Variants in ZMAT3 observed in about 807,000 individuals in gnomAD.
ZMAT3 encodes the protein zinc finger matrin-type protein 3.
Under a neutral mutation model 32.3 loss-of-function variants are expected in ZMAT3, and 17 were observed. That is an observed-to-expected ratio of 0.53 (90% CI 0.36 to 0.79). The LOEUF (loss-of-function observed/expected upper bound fraction) is 0.79. ZMAT3 is among the 30% of genes least tolerant of loss of function. The probability of loss-of-function intolerance (pLI) is 0.00; values close to 1 mark genes in which losing one functional copy is unlikely to be tolerated. For missense variants in ZMAT3, 329 were observed against 359.7 expected (o/e 0.91, Z 0.69); for synonymous variants, 120 against 133.1 (o/e 0.90, Z 0.68).
At chr3:179,037,769 GT>G (rs1338153623) in intron 2 of ZMAT3, among the ~76,000 whole-genome samples, 1 of 152,174 alleles carries the variant, frequency 6.6e-6, no homozygotes, top group Admixed American at 6.5e-5. Context: ...CTAAAAACAG[GT>G]GAGAATTTGA....
intron 2 of ZMAT3, among the ~76,000 whole-genome samples, chr3:179,063,093 C>A (rs1262020625): frequency 3.9e-5 from 6 of 152,178 alleles, no homozygotes; most frequent in African/African-American, 1.4e-4. Context: ...AGCCAAGATC[C>A]TAGCCCAAAG....
intron 2 of ZMAT3, among the ~76,000 whole-genome samples, chr3:179,058,755 C>CAAAAAAAAA (rs56006230): frequency 1.5e-5 from 1 of 68,204 alleles, no homozygotes; most frequent in African/African-American, 5.2e-5. Context: ...GACTCCGTCT[C>CAAAAAAAAA]AAAAAAAAAA....
At chr3:179,035,287 A>ACT (rs1374624622) in intron 2 of ZMAT3, among the ~76,000 whole-genome samples, 2 of 151,768 alleles carry the variant, frequency 1.3e-5, no homozygotes, top group Non-Finnish European at 2.9e-5. Context: ...GTCAGACAGC[A>ACT]CTCCTTCCTT....
chr3:179,060,764 C>T (rs544753452), intron 2 of ZMAT3, among the ~76,000 whole-genome samples: 23 of 152,244 alleles, frequency 1.5e-4, no homozygotes, highest in African/African-American at 5.5e-4. Context: ...CTAGACACAA[C>T]CATCATTGTC....
At chr3:179,026,500 C>T (rs1718881901) in intron 5 of ZMAT3, among the ~76,000 whole-genome samples, 1 of 150,394 alleles carries the variant, frequency 6.6e-6, no homozygotes, top group Non-Finnish European at 1.5e-5. Context: ...GATTCTCCTG[C>T]CTCAGCCTCC....
rs1718800025 is a variant in ZMAT3 at position 179,025,183 on chromosome 3, T to C, written c.704A>G (p.Asp235Gly). The C allele has an allele frequency of 6.2e-7, 1 of 1,614,188 alleles. No individual in the cohort carries two copies. The highest frequency in any genetic ancestry group is 8.5e-7 in the Non-Finnish European group (1 of 1,180,034). The change falls in exon 6 of 6, where the codon GAT becomes GGT. Residue 235 changes from aspartate (D) to glycine (G), a missense_variant. Coordinates refer to ENST00000311417, the MANE Select transcript of ZMAT3 (RefSeq NM_022470.4). Reference sequence around the variant, plus strand: ...ACTTGGAGTAACACACATGGCCAGATCACGTGGAATTCTCTGCCGAGAGCG... The same window carrying C: ...ACTTGGAGTAACACACATGGCCAGACCACGTGGAATTCTCTGCCGAGAGCG... ...NPRSRQRIPR[D>G]LAMCVTPSGQ...
chr3:179,060,583 G>T (rs919123416), intron 2 of ZMAT3, among the ~76,000 whole-genome samples: 1 of 152,108 alleles, frequency 6.6e-6, no homozygotes, highest in African/African-American at 2.4e-5. Context: ...GGCAGAAGTT[G>T]CAGTGAGTTG....
chr3:179,069,877 T>C (rs1721621966), intron 1 of ZMAT3, among the ~76,000 whole-genome samples: 1 of 152,188 alleles, frequency 6.6e-6, no homozygotes, highest in Non-Finnish European at 1.5e-5. Context: ...AAAAGCAATA[T>C]AGAGTTTTAA....
chr3:179,033,764 A>T (rs1345587992), intron 2 of ZMAT3, among the ~76,000 whole-genome samples: 1 of 152,204 alleles, frequency 6.6e-6, no homozygotes, highest in African/African-American at 2.4e-5. Context: ...CATTGCATTT[A>T]TTCATTTGCT....
intron 3 of ZMAT3, among the ~76,000 whole-genome samples, chr3:179,028,923 G>A (rs1338722597): frequency 6.6e-6 from 1 of 152,110 alleles, no homozygotes; most frequent in Non-Finnish European, 1.5e-5. Flanking sequence ...ACTTTGGGAG[G>A]CCGAGGCAGG....
chr3:179,061,695 C>T (rs1477643086), intron 2 of ZMAT3, among the ~76,000 whole-genome samples: 1 of 152,072 alleles, frequency 6.6e-6, no homozygotes, highest in Admixed American at 6.5e-5. Context: ...TGGTGGCATT[C>T]AGGAAAGGGT....
rs1283517090 is a variant in ZMAT3, at chr3:179,020,501, G to A, written c.*4516C>T. On this transcript the variant is annotated 3_prime_UTR_variant, in exon 6 of 6. Coordinates refer to ENST00000311417, the MANE Select transcript of ZMAT3 (RefSeq NM_022470.4). ...AAACTCCTGTACAATGATTTGGCTAGAAGAAAAAAATAGTTGGTAAGGTCA... is the reference window on the plus strand; with the variant it reads ...AAACTCCTGTACAATGATTTGGCTAAAAGAAAAAAATAGTTGGTAAGGTCA... 1 of 152,092 alleles carries A rather than the reference G, an allele frequency of 6.6e-6. No individual in the cohort carries two copies. Among genetic ancestry groups the A allele is most frequent in the African/African-American group, 2.4e-5 (1 of 41,432 alleles). The allele number at this position is 152,092 out of a possible 1,614,324, so 9.4% of individuals were successfully genotyped here.
chr3:179,025,091 C>T lies in ZMAT3; in HGVS notation c.796G>A (p.Glu266Lys). 6.2e-7 allele frequency: 1 copy of T among 1,614,222 alleles called. No homozygotes were observed. Among genetic ancestry groups the T allele is most frequent in the Non-Finnish European group, 8.5e-7 (1 of 1,180,038 alleles). The change falls in exon 6 of 6, where the codon GAG becomes AAG. Residue 266 changes from glutamate to lysine, a missense_variant. Coordinates refer to ENST00000311417, the MANE Select transcript of ZMAT3 (RefSeq NM_022470.4). ...GEEMEFRQHL[E>K]SKQHKSKVSE... The stretch of plus-strand genomic sequence containing the variant: ...ACCTTGCTCTTATGTTGCTTGCTCT[C>T]TAAATGCTGCCGGAATTCCATCTCT...
intron 2 of ZMAT3, among the ~76,000 whole-genome samples, chr3:179,034,990 G>A (rs9842103): frequency 0.2 from 31,090 of 151,982 alleles, 3,883 homozygotes; most frequent in African/African-American, 0.36. Flanking sequence ...ACTCCTAATT[G>A]GTCTCTGCTG....
chr3:179,049,991 CAA>C (rs34239014), intron 2 of ZMAT3, among the ~76,000 whole-genome samples: 20 of 8,136 alleles, frequency 2.5e-3, no homozygotes, highest in South Asian at 0.023. Context: ...GACTCCGTCT[CAA>C]AAAAAAAAAA....
At chr3:179,049,221 T>C (rs1720410050) in intron 2 of ZMAT3, among the ~76,000 whole-genome samples, 1 of 152,202 alleles carries the variant, frequency 6.6e-6, no homozygotes, top group African/African-American at 2.4e-5. Context: ...AATACAATAA[T>C]TGTGGGGGAC....
At chr3:179,067,308 T>A (rs1721466248) in intron 2 of ZMAT3, among the ~76,000 whole-genome samples, 175 bp downstream of exon 2, 1 of 152,216 alleles carries the variant, frequency 6.6e-6, no homozygotes, top group African/African-American at 2.4e-5. Flanking sequence ...CAAAAAGTGA[T>A]ACTTATTTTT....
chr3:179,036,203 G>A (rs936386462), intron 2 of ZMAT3, among the ~76,000 whole-genome samples: 5 of 152,204 alleles, frequency 3.3e-5, no homozygotes, highest in African/African-American at 4.8e-5. Flanking sequence ...ATACACAGAG[G>A]AGAGTCAAGG....
intron 2 of ZMAT3, among the ~76,000 whole-genome samples, chr3:179,040,459 A>C (rs1343180401): frequency 6.6e-6 from 1 of 152,232 alleles, no homozygotes; most frequent in Non-Finnish European, 1.5e-5. Context: ...TTTTCAACCC[A>C]GAATTTCATA....
Sources: allele counts gnomAD v4.1 joint callset (sites outside exome capture counted in the v4.1 genomes callset), GRCh38; gene constraint gnomAD v4.1.1; transcripts MANE v1.5; gene names NCBI Gene and HGNC (gene_info 2026-07-23, HGNC 2026-07-21).